Variants in ZBBX observed in about 807,000 individuals in gnomAD.
ZBBX encodes zinc finger B-box domain-containing protein 1.
ZBBX carries 101 observed loss-of-function variants against 108.5 expected under a neutral mutation model. The ratio of observed to expected loss-of-function variants is 0.93; its 90% CI spans 0.79 to 1.10. The LOEUF (loss-of-function observed/expected upper bound fraction) is 1.10. Among genes scored for constraint, ZBBX ranks in the 50% least tolerant of loss-of-function variants. The probability of loss-of-function intolerance (pLI) is 0.00; values close to 1 mark genes in which losing one functional copy is unlikely to be tolerated. For synonymous variants in ZBBX, 356 were observed against 323.4 expected (o/e 1.10, Z -1.08); for missense variants, 1,009 against 941.4 (o/e 1.07, Z -0.94).
intron 20 of ZBBX, among the ~76,000 whole-genome samples, chr3:167,270,248 G>A (rs375673612): frequency 4.6e-5 from 7 of 152,120 alleles, no homozygotes; most frequent in African/African-American, 1.2e-4. Flanking sequence ...GAATAGTGCC[G>A]GAGCAAGTTG....
chr3:167,338,177 T>C lies in ZBBX; in HGVS notation c.529-4192A>G, dbSNP rs867812706. Reference sequence around the variant, plus strand: ...GATTCCCCCACATCCTTCACTACACTGTATAATGGTAGGATTTCATCTGGT... The same window carrying C: ...GATTCCCCCACATCCTTCACTACACCGTATAATGGTAGGATTTCATCTGGT... On this transcript the variant is annotated intron_variant, in intron 9 of 21. Coordinates refer to ENST00000675490, the MANE Select transcript of ZBBX (RefSeq NM_001199201.2). 2.0e-5 allele frequency among the ~76,000 whole-genome samples: 3 copies of C among 152,180 alleles called. No individual in the cohort carries two copies. In the South Asian group the frequency reaches 6.2e-4, roughly 31 times the overall value.
chr3:167,395,288 CTTTAAT>C (rs1372003140), intron 1 of ZBBX, among the ~76,000 whole-genome samples: 4 of 151,924 alleles, frequency 2.6e-5, no homozygotes, highest in African/African-American at 7.2e-5. Flanking sequence ...ATATCACATG[CTTTAAT>C]TTTAAGTTTT....
intron 18 of ZBBX, among the ~76,000 whole-genome samples, chr3:167,289,559 A>C (rs572432618): frequency 6.6e-6 from 1 of 152,248 alleles, no homozygotes; most frequent in Non-Finnish European, 1.5e-5. Context: ...TGTAACTTGC[A>C]CTCTGGCTCG....
intron 12 of ZBBX, among the ~76,000 whole-genome samples, chr3:167,321,758 A>T (rs1162556804): frequency 6.6e-6 from 1 of 152,074 alleles, no homozygotes. Context: ...CTAGATTCTG[A>T]AAATTATAGT....
At chr3:167,306,442 G>A (rs1341195153) in intron 16 of ZBBX, among the ~76,000 whole-genome samples, 1 of 152,178 alleles carries the variant, frequency 6.6e-6, no homozygotes, top group Non-Finnish European at 1.5e-5. Flanking sequence ...AGGGACACCT[G>A]CTTCTAGAAA....
Position 167,365,975 on chromosome 3 carries a change from A to G in ZBBX, c.184T>C (p.Ser62Pro). 6.2e-7 allele frequency: 1 copy of G among 1,600,424 alleles called. No individual in the cohort carries two copies. Among genetic ancestry groups the G allele is most frequent in the Non-Finnish European group, 8.5e-7 (1 of 1,169,690 alleles). The change falls in exon 6 of 22, where the codon TCA (serine) becomes CCA (proline). Residue 62 changes from serine (S) to proline (P), a missense_variant and splice_region_variant. By Grantham distance (74) the Ser-to-Pro change is moderately conservative. Coordinates refer to ENST00000675490, the MANE Select transcript of ZBBX (RefSeq NM_001199201.2). ...TRNKEKEDRE[S>P]SEYYWKSGKV... ...CCAGATTTCCAGTAATACTCGCTTG[A>G]CCTTTAATATATATAAACAAGATAA...
intron 9 of ZBBX, among the ~76,000 whole-genome samples, chr3:167,348,349 AAAG>A (rs1741972199): frequency 1.7e-5 from 2 of 116,474 alleles, no homozygotes; most frequent in Non-Finnish European, 3.5e-5. Context: ...AGAAAGAAAG[AAAG>A]AAAGAAAGAA....
the ZBBX span, among the ~76,000 whole-genome samples, chr3:167,195,025 A>G: frequency 7.4e-4 from 113 of 152,320 alleles, no homozygotes; most frequent in African/African-American, 2.6e-3. Context: ...AGCTTCCAGC[A>G]CTATCTTCTA....
chr3:167,346,491 A>C (rs577100518), intron 9 of ZBBX, among the ~76,000 whole-genome samples: 1 of 152,092 alleles, frequency 6.6e-6, no homozygotes, highest in African/African-American at 2.4e-5. Flanking sequence ...AGGCTGAAAC[A>C]GTTTACAACT....
At chr3:167,253,481 A>G (rs981378336) in intron 20 of ZBBX, among the ~76,000 whole-genome samples, 10 of 152,178 alleles carry the variant, frequency 6.6e-5, no homozygotes, top group African/African-American at 2.2e-4. Context: ...AAACAGGTCA[A>G]TAGAAATCTG....
At chr3:167,183,292 G>A in the ZBBX span, among the ~76,000 whole-genome samples, 2 of 152,184 alleles carry the variant, frequency 1.3e-5, no homozygotes, top group African/African-American at 2.4e-5. Context: ...ATGTTTCCAA[G>A]CTCCCCTTCT....
At chr3:167,387,560 C>T (rs1747955627) in intron 1 of ZBBX, among the ~76,000 whole-genome samples, 1 of 151,956 alleles carries the variant, frequency 6.6e-6, no homozygotes, top group Non-Finnish European at 1.5e-5. Flanking sequence ...AATTTCCCTG[C>T]AGTGAGTTAG....
intron 5 of ZBBX, among the ~76,000 whole-genome samples, chr3:167,367,817 T>C (rs1318834978): frequency 1.3e-5 from 2 of 151,162 alleles, no homozygotes; most frequent in Non-Finnish European, 3.0e-5. Context: ...ATTTATATTA[T>C]TTTATAACAA....
the ZBBX span, among the ~76,000 whole-genome samples, chr3:167,180,956 T>C: frequency 1.3e-5 from 2 of 152,174 alleles, 1 homozygote; most frequent in African/African-American, 4.8e-5. Context: ...GACTGGAGAA[T>C]TCCAGGGGGA....
chr3:167,325,440 C>A (rs1370131287), intron 11 of ZBBX, among the ~76,000 whole-genome samples: 1 of 152,058 alleles, frequency 6.6e-6, no homozygotes, highest in Non-Finnish European at 1.5e-5. Flanking sequence ...GAGAACAGCA[C>A]AGGAAAGACC....
At chr3:167,281,737 G>A (rs1728847422) in intron 20 of ZBBX, among the ~76,000 whole-genome samples, 1 of 152,150 alleles carries the variant, frequency 6.6e-6, no homozygotes, top group South Asian at 2.1e-4. Context: ...GGCATCACCT[G>A]GGTATTTGTT....
Position 167,245,487 on chromosome 3 carries a change from GCCCACACCCTC to G in ZBBX, c.2255-2855_2255-2845del, listed in dbSNP as rs1382879369. Among the ~76,000 whole-genome samples the G allele has an allele frequency of 2.0e-5, 3 of 151,418 alleles. No homozygotes were observed. The East Asian group carries it at 5.8e-4, about 29-fold the overall frequency. ...GCTTGCATCCCTTTACCTTCACTCT[GCCCACACCCTC>G]CCCTTCTTAAGTGGTGATATGGTTT... On this transcript the variant is annotated intron_variant, in intron 20 of 21. Transcript: ENST00000675490.
At chr3:167,285,781 C>A (rs1370813183) in intron 19 of ZBBX, among the ~76,000 whole-genome samples, 1 of 152,074 alleles carries the variant, frequency 6.6e-6, no homozygotes, top group Non-Finnish European at 1.5e-5. Flanking sequence ...TAAGACATCA[C>A]CTCCACCCTC....
At chr3:167,197,298 GGAGGCT>G in the ZBBX span, among the ~76,000 whole-genome samples, 1 of 150,824 alleles carries the variant, frequency 6.6e-6, no homozygotes, top group Admixed American at 6.6e-5. Flanking sequence ...CAGCACTTTG[GGAGGCT>G]GAGGCGGGCA....
Sources: allele counts gnomAD v4.1 joint callset (sites outside exome capture counted in the v4.1 genomes callset), GRCh38; gene constraint gnomAD v4.1.1; transcripts MANE v1.5; gene names NCBI Gene and HGNC (gene_info 2026-07-23, HGNC 2026-07-21).